GPI: variants seen among roughly 807,000 people sequenced by gnomAD.
GPI encodes the protein glucose-6-phosphate isomerase, also known as D-hexose-6-phosphate anomerase.
A neutral mutation model predicts 75.8 loss-of-function variants in GPI; 56 were observed. The observed-to-expected ratio is 0.74, with a 90% CI of 0.60 to 0.92. The LOEUF is 0.92. GPI is among the 40% of genes least tolerant of loss of function. GPI has a pLI of 0.00. For missense variants in GPI, 638 were observed against 741.0 expected, an observed-to-expected ratio of 0.86 and a Z score of 1.61; for synonymous variants, 288 against 285.4, an observed-to-expected ratio of 1.01 and a Z score of -0.09.
At chr19:34,399,048 C>CT in intron 14 of GPI, 159 bp from the exon 15 acceptor site, 1 of 603,272 alleles carries the variant, frequency 1.7e-6, no homozygotes. Flanking sequence ...TGTTCCCTGC[C>CT]TTGTGGTGTC....
chr19:34,390,302 T>C (rs181986562), intron 9 of GPI, among the ~76,000 whole-genome samples: 103 of 152,086 alleles, frequency 6.8e-4, no homozygotes, highest in African/African-American at 2.5e-3. Context: ...CTGTGGGTTT[T>C]TAATATCTGA....
rs1354800538 is a variant in GPI at position 34,368,672 on chromosome 19, G to A, written c.372G>A (p.Lys124=). 20 of 1,614,216 alleles carry A rather than the reference G, an allele frequency of 1.2e-5. No individual in the cohort carries two copies. Among genetic ancestry groups the A allele is most frequent in the Non-Finnish European group, 1.7e-5 (20 of 1,180,040 alleles). ...AGGATGTGATGCCAGAGGTCAACAA[G>A]GTTCTGGACAAGATGAAGTCTTTCT... ...DGKDVMPEVN[K]VLDKMKSFCQ... The change falls in exon 4 of 18, where the codon AAG becomes AAA. Residue 124 remains lysine, a synonymous_variant. Transcript: ENST00000356487.
intron 17 of GPI, 26 bp downstream of exon 17, chr19:34,399,811 C>A: frequency 6.2e-7 from 1 of 1,613,168 alleles, no homozygotes; most frequent in Non-Finnish European, 8.5e-7. Context: ...AGGGGAGGGC[C>A]GGGAATACCT....
intron 4 of GPI, among the ~76,000 whole-genome samples, chr19:34,375,718 A>G (rs1386465019): frequency 6.6e-6 from 1 of 152,252 alleles, no homozygotes; most frequent in South Asian, 2.1e-4. Flanking sequence ...TCTTCACAAC[A>G]TGATAGACAG....
chr19:34,376,776 G>A (rs978516151), intron 4 of GPI, among the ~76,000 whole-genome samples: 4 of 152,026 alleles, frequency 2.6e-5, no homozygotes, highest in African/African-American at 4.8e-5. Flanking sequence ...AGCGAGGCGC[G>A]GTGGCTCACA....
chr19:34,399,807 G>T (rs1194076627), intron 17 of GPI, 22 bp downstream of exon 17: 2 of 1,613,562 alleles, frequency 1.2e-6, no homozygotes, highest in Non-Finnish European at 1.7e-6. Flanking sequence ...ACTTAGGGGA[G>T]GGCCGGGAAT....
chr19:34,391,829 T>G (rs1385571164), intron 9 of GPI, among the ~76,000 whole-genome samples: 1 of 40,728 alleles, frequency 2.5e-5, no homozygotes, highest in Non-Finnish European at 4.9e-5. Context: ...AATCTGGTTC[T>G]GTCAGTGACT....
intron 4 of GPI, among the ~76,000 whole-genome samples, chr19:34,374,079 G>C (rs1019384984): frequency 4.7e-5 from 7 of 150,342 alleles, no homozygotes; most frequent in African/African-American, 1.7e-4. Context: ...CGATTCTCCT[G>C]CCTTAGCCTC....
chr19:34,366,790 C>G lies in GPI; in HGVS notation c.221C>G (p.Ser74Cys), dbSNP rs772613348. 1 of 1,612,582 alleles carries G rather than the reference C, an allele frequency of 6.2e-7. No homozygotes were observed. Among genetic ancestry groups the G allele is most frequent in the Non-Finnish European group, 8.5e-7 (1 of 1,179,330 alleles). ...VMRMLVDLAK[S>C]RGVEAARERM... ...AGTATCGTCTCTTCCTAGGCCAAGT[C>G]CAGGGGCGTGGAGGCCGCCCGGGAG... The change falls in exon 3 of 18, where the codon TCC becomes TGC. Residue 74 changes from serine to cysteine, a missense_variant. Coordinates refer to ENST00000356487, the MANE Select transcript of GPI (RefSeq NM_000175.5).
chr19:34,366,280 C>A, intron 1 of GPI, 65 bp from the exon 2 acceptor site: 1 of 1,050,470 alleles, frequency 9.5e-7, no homozygotes, highest in Non-Finnish European at 1.5e-6. Flanking sequence ...ACAGCTCCTG[C>A]TTAGGGCATG....
At chr19:34,362,141 G>T (rs1482707986), upstream of GPI, among the ~76,000 whole-genome samples, 3 of 142,434 alleles carry the variant, frequency 2.1e-5, no homozygotes. Flanking sequence ...AAAAAAATTA[G>T]CCTGGTGAGG....
upstream of GPI, among the ~76,000 whole-genome samples, chr19:34,360,754 G>A (rs778834907): frequency 9.2e-5 from 14 of 152,194 alleles, no homozygotes; most frequent in Non-Finnish European, 2.1e-4. Context: ...CTAGTTAAGA[G>A]CAGAGTGGCT....
chr19:34,375,181 C>T (rs1160425925), intron 4 of GPI, among the ~76,000 whole-genome samples: 4 of 147,512 alleles, frequency 2.7e-5, no homozygotes, highest in Admixed American at 1.4e-4. Context: ...CTTGCTCTGT[C>T]GCCCAGGCTA....
At chr19:34,396,247 CT>C in intron 12 of GPI, 53 bp from the exon 13 acceptor site, 1 of 1,608,670 alleles carries the variant, frequency 6.2e-7, no homozygotes, top group Non-Finnish European at 8.5e-7. Flanking sequence ...CTCTTTCTTT[CT>C]TTTTAAATGT....
At chr19:34,394,686 T>C (rs941808700) in intron 12 of GPI, among the ~76,000 whole-genome samples, 1 of 151,554 alleles carries the variant, frequency 6.6e-6, no homozygotes, top group Non-Finnish European at 1.5e-5. Flanking sequence ...CTAGTCACAT[T>C]ATGTCCCAGA....
At chr19:34,377,677 T>G in intron 5 of GPI, 58 bp from the exon 6 acceptor site, 1 of 1,598,092 alleles carries the variant, frequency 6.3e-7, no homozygotes, top group South Asian at 1.1e-5. Flanking sequence ...GGGACCTGGC[T>G]GTCTCCACTT....
chr19:34,364,675 G>A, upstream of GPI: 2 of 352,540 alleles, frequency 5.7e-6, no homozygotes, highest in Non-Finnish European at 5.1e-6. Flanking sequence ...ACCGCGCCCG[G>A]CCTAGTCACT....
In GPI at chr19:34,393,196, G is replaced by T. The variant is rs372436225; in HGVS notation, c.805-52G>T. On this transcript the variant is annotated intron_variant, in intron 9 of 17. Transcript: ENST00000356487. The surrounding 1 kb of genome is among the most constrained non-coding windows in gnomAD (Gnocchi z 4.4). ...AGGGACAGGGTTTCCGGCAGGAGGT[G>T]GGGGGCGGGGTGTGCCGGCCCTCCC... is the stretch of plus-strand genomic sequence containing the variant. 137 of 1,383,972 alleles carry T rather than the reference G, an allele frequency of 9.9e-5. No individual in the cohort carries two copies. The East Asian group carries it at 1.0e-3, about 10-fold the overall frequency. The allele number at this position is 1,383,972 out of a possible 1,614,324, so 85.7% of individuals were successfully genotyped here.
chr19:34,383,326 A>C (rs570139395), intron 9 of GPI, among the ~76,000 whole-genome samples: 2 of 152,186 alleles, frequency 1.3e-5, no homozygotes, highest in Non-Finnish European at 2.9e-5. Flanking sequence ...GAGGAGAGGC[A>C]GGTATTTAGA....
Sources: gnomAD v4.1 joint callset for allele counts (sites outside exome capture counted in the v4.1 genomes callset) on GRCh38, gnomAD v4.1.1 for gene constraint, Gnocchi (gnomAD v3.1) non-coding constraint, MANE v1.5 for transcripts, NCBI Gene and HGNC (gene_info 2026-07-23, HGNC 2026-07-21) for gene names.